LEPROTL1: variants seen among roughly 807,000 people sequenced by gnomAD.
LEPROTL1 encodes the protein leptin receptor overlapping transcript like 1.
LEPROTL1 carries 6 observed loss-of-function variants against 15.4 expected under a neutral mutation model. The ratio of observed to expected loss-of-function variants is 0.39; its 90% CI spans 0.21 to 0.77. LEPROTL1 has a LOEUF of 0.77. Among genes scored for constraint, LEPROTL1 ranks in the 30% least tolerant of loss-of-function variants. The pLI is 0.41. For missense variants in LEPROTL1, 128 were observed against 158.1 expected (o/e 0.81, Z 1.02); for synonymous variants, 56 against 52.6 (o/e 1.06, Z -0.28).
At chr8:30,103,459 G>C (rs374031716) in intron 2 of LEPROTL1, among the ~76,000 whole-genome samples, 15 of 152,120 alleles carry the variant, frequency 9.9e-5, no homozygotes, top group African/African-American at 3.1e-4. Context: ...TTTAGGAAAT[G>C]GTCAGGCGCA....
intron 3 of LEPROTL1, among the ~76,000 whole-genome samples, chr8:30,115,873 T>C (rs1802733782): frequency 6.6e-6 from 1 of 152,130 alleles, no homozygotes; most frequent in Admixed American, 6.5e-5. Context: ...GTAGTACATA[T>C]GAAAATGATC....
chr8:30,128,714 T>G (rs1351195901), intron 3 of LEPROTL1, among the ~76,000 whole-genome samples: 1 of 150,324 alleles, frequency 6.7e-6, no homozygotes, highest in Non-Finnish European at 1.5e-5. Context: ...ATCATGCCAC[T>G]GCACTCCAGC....
intron 1 of LEPROTL1, among the ~76,000 whole-genome samples, chr8:30,098,901 A>G (rs1802416569): frequency 6.6e-6 from 1 of 152,198 alleles, no homozygotes; most frequent in Admixed American, 6.5e-5. Context: ...TAATTGAGCA[A>G]AGGAGAGGCA....
chr8:30,117,589 C>G (rs935567439), intron 3 of LEPROTL1: 1 of 1,430,778 alleles, frequency 7.0e-7, no homozygotes, highest in Non-Finnish European at 9.8e-7. Flanking sequence ...GTGAGGTTCA[C>G]AACAATTTTC....
At chr8:30,105,596 TTATAAG>T (rs201278375) in intron 3 of LEPROTL1, 144 bp from the exon 4 acceptor site, 2,576 of 233,452 alleles carry the variant, frequency 0.011, 70 homozygotes, top group African/African-American at 0.057. Flanking sequence ...CTATATATAT[TTATAAG>T]TATGTGTTCA....
intron 1 of LEPROTL1, 22 bp downstream of exon 1, chr8:30,095,550 C>CG: frequency 7.2e-7 from 1 of 1,397,004 alleles, no homozygotes; most frequent in Non-Finnish European, 9.3e-7. Flanking sequence ...TTGCAGGACG[C>CG]GGGAGGGCTG....
intron 3 of LEPROTL1, among the ~76,000 whole-genome samples, chr8:30,123,535 C>T (rs1802862004): frequency 6.6e-6 from 1 of 152,172 alleles, no homozygotes; most frequent in Admixed American, 6.5e-5. Context: ...AGTCATTTTA[C>T]TACATTTATT....
chr8:30,123,665 C>G (rs760095746), intron 3 of LEPROTL1, among the ~76,000 whole-genome samples: 9 of 152,140 alleles, frequency 5.9e-5, no homozygotes, highest in Non-Finnish European at 1.0e-4. Context: ...AGTATGTTTG[C>G]ATGGTTCCCA....
chr8:30,124,576 C>G (rs1228367427), intron 3 of LEPROTL1, among the ~76,000 whole-genome samples: 1 of 152,060 alleles, frequency 6.6e-6, no homozygotes, highest in African/African-American at 2.4e-5. Flanking sequence ...AACAATAAAG[C>G]TTTACTATCC....
chr8:30,133,333 C>T (rs930426088), intron 4 of LEPROTL1, among the ~76,000 whole-genome samples: 66 of 152,092 alleles, frequency 4.3e-4, no homozygotes, highest in African/African-American at 1.5e-3. Flanking sequence ...TCACTTTTTG[C>T]GTTGTTTGAA....
chr8:30,101,165 T>A (rs992996330), intron 1 of LEPROTL1, among the ~76,000 whole-genome samples: 4 of 152,184 alleles, frequency 2.6e-5, no homozygotes, highest in Non-Finnish European at 5.9e-5. Flanking sequence ...TAGAAGAGGT[T>A]TTCCTATAGG....
chr8:30,095,627 G>A, intron 1 of LEPROTL1, 99 bp downstream of exon 1: 3 of 1,026,908 alleles, frequency 2.9e-6, no homozygotes, highest in Non-Finnish European at 2.6e-6. Context: ...GGGCTCGCGC[G>A]CGCGCGTGGG....
chr8:30,103,927 C>T (rs911346557), intron 2 of LEPROTL1, among the ~76,000 whole-genome samples: 3 of 151,982 alleles, frequency 2.0e-5, no homozygotes, highest in African/African-American at 7.3e-5. Context: ...ACACAGAGGT[C>T]CCCTGTACCC....
rs113187968 is a variant in LEPROTL1, at chr8:30,107,186, G to A, written c.*1324G>A. 9.4e-5 allele frequency: 93 copies of A among 985,402 alleles called. No homozygotes were observed. In the African/African-American group the frequency reaches 1.3e-3, roughly 14 times the overall value. The allele number at this position is 985,402 out of a possible 1,614,324, so 61.0% of individuals were successfully genotyped here. A position where few individuals can be genotyped will look rare whatever the true frequency, so the allele number is the denominator to read the frequency against. ...TTTCCTTATAAAAGGCATTTGTTGT[G>A]TGAGTTAATGCAAAGTAGCCAAGTC... On this transcript the variant is annotated 3_prime_UTR_variant, in exon 4 of 4. Transcript: ENST00000321250.
chr8:30,102,073 G>C (rs1173670428), intron 2 of LEPROTL1, 100 bp downstream of exon 2: 7 of 649,968 alleles, frequency 1.1e-5, no homozygotes, highest in Non-Finnish European at 1.8e-5. Context: ...GTAATGCAGA[G>C]AAATGTTCAC....
chr8:30,108,000 C>A lies in LEPROTL1; in HGVS notation c.*2138C>A. The A allele has an allele frequency of 1.0e-6, 1 of 959,884 alleles. No individual in the cohort carries two copies. Among genetic ancestry groups the A allele is most frequent in the Non-Finnish European group, 1.2e-6 (1 of 806,758 alleles). The allele number at this position is 959,884 out of a possible 1,614,324, so 59.5% of individuals were successfully genotyped here. ...ATTTTCCATAGAATATGCACTGATA[C>A]AATATTACCATTCTTCTATGGAAAG... is the stretch of plus-strand genomic sequence containing the variant. On this transcript the variant is annotated 3_prime_UTR_variant, in exon 4 of 4. Transcript: ENST00000321250.
intron 2 of LEPROTL1, among the ~76,000 whole-genome samples, chr8:30,103,830 A>G (rs1023375764): frequency 6.6e-6 from 1 of 151,778 alleles, no homozygotes; most frequent in African/African-American, 2.4e-5. Flanking sequence ...TACCTATTTT[A>G]TTCTATGGTA....
At chr8:30,132,330 G>T (rs150014128) in intron 3 of LEPROTL1, 1 of 1,551,774 alleles carries the variant, frequency 6.4e-7, no homozygotes, top group Non-Finnish European at 8.7e-7. Flanking sequence ...CTGTGCTTTG[G>T]TTCCACTTTC....
downstream of LEPROTL1, chr8:30,137,993 A>C: frequency 5.7e-6 from 1 of 175,862 alleles, no homozygotes; most frequent in Admixed American, 5.4e-5. Flanking sequence ...CAGACCGATA[A>C]ACTGGCTCGT....
Sources: allele counts gnomAD v4.1 joint callset (sites outside exome capture counted in the v4.1 genomes callset), GRCh38; gene constraint gnomAD v4.1.1; transcripts MANE v1.5; gene names NCBI Gene and HGNC (gene_info 2026-07-23, HGNC 2026-07-21).